NHSL2: variants seen among roughly 807,000 people sequenced by gnomAD.
NHSL2 encodes NHS-like protein 2.
In NHSL2, 27 loss-of-function variants were observed where a neutral mutation model predicts 53.4. The observed-to-expected ratio is 0.51, with a 90% CI of 0.37 to 0.70. The LOEUF is 0.70. Among genes scored for constraint, NHSL2 ranks in the 30% least tolerant of loss-of-function variants. The pLI is 0.00. For missense variants in NHSL2, 892 were observed against 980.1 expected, an observed-to-expected ratio of 0.91 and a Z score of 1.20; for synonymous variants, 408 against 404.1, an observed-to-expected ratio of 1.01 and a Z score of -0.12.
At chrX:72,080,820 T>C (rs781241021) in intron 1 of NHSL2, among the ~76,000 whole-genome samples, 10 of 111,896 alleles carry the variant, frequency 8.9e-5, no homozygotes, top group Admixed American at 1.9e-4. Context: ...ACTGGTCTTC[T>C]GTACACACAG....
At chrX:71,990,853 C>T (rs1176556884) in intron 1 of NHSL2, among the ~76,000 whole-genome samples, 1 of 112,339 alleles carries the variant, frequency 8.9e-6, no homozygotes, top group Non-Finnish European at 1.9e-5. Flanking sequence ...ATTTCTATTT[C>T]CAAGCTCTGT....
chrX:72,143,142 C>CG lies in NHSL2; in HGVS notation c.3357-109dup, dbSNP rs1362810451. ...GAGAGAGAGAGAAAGCAGGTCAATACGGCTGCTTGCAGGGCTGCCGCCTGG... is the reference window on the plus strand; with the variant it reads ...GAGAGAGAGAGAAAGCAGGTCAATACGGGCTGCTTGCAGGGCTGCCGCCTGG... On this transcript the variant is annotated intron_variant, in intron 7 of 7. Transcript: ENST00000633930. 16 of 514,277 alleles carry CG rather than the reference C, an allele frequency of 3.1e-5. No individual in the cohort carries two copies. In the African/African-American group the frequency reaches 3.6e-4, roughly 12 times the overall value. The allele number at this position is 514,277 out of a possible 1,213,427, so 42.4% of individuals were successfully genotyped here.
intron 1 of NHSL2, chrX:72,131,286 G>C (rs754097427): frequency 3.3e-6 from 4 of 1,200,137 alleles, no homozygotes; most frequent in Non-Finnish European, 4.5e-6. Context: ...GGCACAAGAA[G>C]GGCAGTTCTC....
intron 1 of NHSL2, among the ~76,000 whole-genome samples, chrX:72,030,030 T>A (rs2042206483): frequency 8.9e-6 from 1 of 112,250 alleles, no homozygotes; most frequent in Admixed American, 9.4e-5. Flanking sequence ...AGGAAAGGAA[T>A]CCAAGGGAAT....
At chrX:72,062,645 A>G (rs886204908) in intron 1 of NHSL2, among the ~76,000 whole-genome samples, 3 of 112,217 alleles carry the variant, frequency 2.7e-5, no homozygotes, top group Non-Finnish European at 5.6e-5. Flanking sequence ...CTTCCTGACC[A>G]TTACAGGCGT....
At chrX:71,922,510 A>C (rs1380361173) in intron 1 of NHSL2, among the ~76,000 whole-genome samples, 4 of 112,337 alleles carry the variant, frequency 3.6e-5, no homozygotes, top group Non-Finnish European at 7.5e-5. Flanking sequence ...ATGATAAATA[A>C]GGCATCAAGA....
intron 1 of NHSL2, among the ~76,000 whole-genome samples, chrX:72,125,330 G>A (rs909778577): frequency 9.0e-6 from 1 of 111,678 alleles, no homozygotes; most frequent in African/African-American, 3.3e-5. Flanking sequence ...ACCTGCAGAT[G>A]CCCTTAGCAG....
chrX:72,023,067 C>G (rs1051082302), intron 1 of NHSL2, among the ~76,000 whole-genome samples: 1 of 112,772 alleles, frequency 8.9e-6, no homozygotes, highest in South Asian at 3.6e-4. Context: ...TTTGCAATAC[C>G]AGCATTTTCT....
At position 71,975,138 on chromosome X, in the gene NHSL2, G is replaced by A. The variant is rs962664794; in HGVS notation, c.280+63771G>A. Among the ~76,000 whole-genome samples, 6 of 111,554 alleles carry A rather than the reference G, an allele frequency of 5.4e-5. No individual in the cohort carries two copies. In the South Asian group the frequency reaches 1.5e-3, roughly 28 times the overall value. On this transcript the variant is annotated intron_variant, in intron 1 of 7. Transcript: ENST00000633930. The stretch of plus-strand genomic sequence containing the variant: ...GAGAGGCAGATACCAACCCATCTGT[G>A]CCCTGGCGACACTCCGCTATTTGCC...
chrX:72,122,474 T>G (rs1236510016), intron 1 of NHSL2, among the ~76,000 whole-genome samples: 1 of 112,756 alleles, frequency 8.9e-6, no homozygotes, highest in Non-Finnish European at 1.9e-5. Context: ...TTAGCTATTT[T>G]TGTTGTTATT....
intron 1 of NHSL2, among the ~76,000 whole-genome samples, chrX:71,916,077 AG>A (rs1474618951): frequency 1.8e-5 from 2 of 111,759 alleles, no homozygotes; most frequent in Non-Finnish European, 3.8e-5. Context: ...TCAGGTGGGA[AG>A]GGGTGGCTGG....
chrX:71,979,952 A>G (rs1325779681), intron 1 of NHSL2, among the ~76,000 whole-genome samples: 1 of 111,966 alleles, frequency 8.9e-6, no homozygotes, highest in African/African-American at 3.3e-5. Context: ...GGTGTAAGGA[A>G]AGGATCCAGT....
intron 1 of NHSL2, among the ~76,000 whole-genome samples, chrX:71,971,983 G>A (rs780876043): frequency 2.7e-5 from 3 of 111,504 alleles, no homozygotes; most frequent in Non-Finnish European, 3.8e-5. Flanking sequence ...AGTGTTTTCT[G>A]TAAGTGACAA....
chrX:71,920,472 TAA>T (rs964522656), intron 1 of NHSL2, among the ~76,000 whole-genome samples: 1 of 102,635 alleles, frequency 9.7e-6, no homozygotes, highest in Non-Finnish European at 2.0e-5. Flanking sequence ...CCCTAAATGT[TAA>T]AAAAAAAAAA....
At chrX:72,103,564 G>A (rs909889688) in intron 1 of NHSL2, among the ~76,000 whole-genome samples, 2 of 111,590 alleles carry the variant, frequency 1.8e-5, no homozygotes, top group Non-Finnish European at 3.8e-5. Flanking sequence ...AGGTTCAGGA[G>A]AAGGATCCAA....
chrX:72,039,302 C>T (rs2147918003), intron 1 of NHSL2, among the ~76,000 whole-genome samples: 1 of 110,945 alleles, frequency 9.0e-6, no homozygotes, highest in African/African-American at 3.3e-5. Context: ...GAGATTTATC[C>T]ATGTTGATAC....
intron 1 of NHSL2, among the ~76,000 whole-genome samples, chrX:72,062,988 C>T (rs1369778566): frequency 2.7e-5 from 3 of 111,492 alleles, no homozygotes; most frequent in Non-Finnish European, 5.7e-5. Context: ...AAATGGGGCT[C>T]AAAATGGCCA....
chrX:71,955,275 A>T, intron 1 of NHSL2, among the ~76,000 whole-genome samples: 1 of 111,810 alleles, frequency 8.9e-6, no homozygotes, highest in Non-Finnish European at 1.9e-5. Context: ...GGTTGTGATG[A>T]GATTGAATGC....
intron 1 of NHSL2, among the ~76,000 whole-genome samples, chrX:72,077,769 A>G (rs1355860734): frequency 2.7e-5 from 3 of 112,483 alleles, no homozygotes. Context: ...AGGATGACAA[A>G]CTCAGGTATG....
Sources: gnomAD v4.1 joint callset for allele counts (sites outside exome capture counted in the v4.1 genomes callset) on GRCh38, gnomAD v4.1.1 for gene constraint, MANE v1.5 for transcripts, NCBI Gene and HGNC (gene_info 2026-07-23, HGNC 2026-07-21) for gene names.